RIOK2: variants seen among roughly 807,000 people sequenced by gnomAD.
RIOK2 encodes the protein serine/threonine-protein kinase RIO2.
RIOK2 carries 46 observed loss-of-function variants against 62.4 expected under a neutral mutation model. The observed-to-expected ratio is 0.74, with a 90% CI of 0.58 to 0.94. The LOEUF (loss-of-function observed/expected upper bound fraction) is 0.94, where lower values mean the gene tolerates loss of function less well. RIOK2 is among the 40% of genes least tolerant of loss of function. The pLI is 0.00. For missense variants in RIOK2, 574 were observed against 658.0 expected, an observed-to-expected ratio of 0.87 and a Z score of 1.40; for synonymous variants, 197 against 216.0, an observed-to-expected ratio of 0.91 and a Z score of 0.77.
chr5:97,177,673 GA>G, intron 3 of RIOK2, 58 bp downstream of exon 3: 1 of 1,065,570 alleles, frequency 9.4e-7, no homozygotes, highest in Non-Finnish European at 1.4e-6. Flanking sequence ...AAAGGTTTCT[GA>G]AGGGAAAACA....
At chr5:97,178,735 C>T (rs1049078129) in intron 2 of RIOK2, 37 of 342,192 alleles carry the variant, frequency 1.1e-4, no homozygotes, top group Non-Finnish European at 1.6e-4. Flanking sequence ...GCAGTACCTA[C>T]GTGCTCTTCT....
At chr5:97,175,776 T>C (rs1281576693) in intron 4 of RIOK2, among the ~76,000 whole-genome samples, 3 of 152,198 alleles carry the variant, frequency 2.0e-5, no homozygotes, top group Non-Finnish European at 4.4e-5. Flanking sequence ...TTTTGAAAAA[T>C]GAAGATAAAC....
At position 97,164,374 on chromosome 5, in the gene RIOK2, G is replaced by A. The variant is rs187439674; in HGVS notation, c.1494+677C>T. ...AAATTAGCCAGCCATGGTGGTAGGC[G>A]CCTGTAATCCAAGCTACTCGGGAAG... is the stretch of plus-strand genomic sequence containing the variant. On this transcript the variant is annotated intron_variant, in intron 9 of 9. Transcript: ENST00000283109. Among the ~76,000 whole-genome samples the A allele has an allele frequency of 2.2e-3, 327 of 151,974 alleles. 2 individuals are homozygous for A. The highest frequency in any genetic ancestry group is 7.3e-3 in the African/African-American group (301 of 41,510).
intron 1 of RIOK2, among the ~76,000 whole-genome samples, chr5:97,181,834 GGT>G (rs1354911719): frequency 6.6e-6 from 1 of 152,098 alleles, no homozygotes; most frequent in African/African-American, 2.4e-5. Context: ...AGGAAAGGAA[GGT>G]ATCTTTCCGA....
intron 1 of RIOK2, among the ~76,000 whole-genome samples, chr5:97,180,611 C>T (rs569080567): frequency 4.6e-5 from 7 of 152,140 alleles, no homozygotes; most frequent in East Asian, 1.9e-4. Context: ...GGGAGACACA[C>T]GAACAGGGTT....
In RIOK2 at chr5:97,162,991, A is replaced by C; in HGVS notation, c.*70T>G. On this transcript the variant is annotated 3_prime_UTR_variant, in exon 10 of 10. Transcript: ENST00000283109. ...TGATAGCCTTGGCTCAAAAAAGACA[A>C]ATGAGGGCTCAAAAAGGAATTACAG... 1 of 1,324,076 alleles carries C rather than the reference A, an allele frequency of 7.6e-7. No homozygotes were observed. Among genetic ancestry groups the C allele is most frequent in the Non-Finnish European group, 1.0e-6 (1 of 970,426 alleles). The allele number at this position is 1,324,076 out of a possible 1,614,324, so 82.0% of individuals were successfully genotyped here. A position where few individuals can be genotyped will look rare whatever the true frequency, so the allele number is the denominator to read the frequency against.
intron 1 of RIOK2, among the ~76,000 whole-genome samples, chr5:97,179,512 A>C (rs1431113795): frequency 6.6e-6 from 1 of 152,132 alleles, no homozygotes; most frequent in Non-Finnish European, 1.5e-5. Context: ...ATATTTATTA[A>C]GCAGGTATTT....
chr5:97,172,738 CTT>C (rs920308172), intron 5 of RIOK2, among the ~76,000 whole-genome samples: 5 of 152,186 alleles, frequency 3.3e-5, no homozygotes, highest in African/African-American at 1.2e-4. Context: ...ATTAGTGAGA[CTT>C]TTCTTGACCA....
chr5:97,167,191 T>C (rs1045250985), intron 8 of RIOK2: 72 of 1,291,074 alleles, frequency 5.6e-5, no homozygotes, highest in Non-Finnish European at 6.9e-5. Flanking sequence ...GTGCTGAGAT[T>C]ACAGGCATGA....
rs771687247 is a variant in RIOK2 at position 97,167,476 on chromosome 5, C to T, written c.1388G>A (p.Arg463Lys). 1 of 1,613,968 alleles carries T rather than the reference C, an allele frequency of 6.2e-7. No individual in the cohort carries two copies. Residue 463 changes from arginine to lysine, a missense_variant, in exon 8 of 10, where the codon AGG (arginine) becomes AAG (lysine). Arg to Lys is a conservative substitution (Grantham distance 26). Transcript: ENST00000283109. ...CGACAGAAGTCTATACCTGAAAGGC[C>T]TGAATTCTCTATTTAATGACGACAA... ...IALSSLNREF[R>K]PFRDEENVGA... is the part of the protein sequence containing the mutation.
At chr5:97,171,870 T>C (rs1749019209) in intron 5 of RIOK2, among the ~76,000 whole-genome samples, 1 of 152,174 alleles carries the variant, frequency 6.6e-6, no homozygotes, top group East Asian at 1.9e-4. Flanking sequence ...CCTAGCACTT[T>C]GGGAGGCCAA....
chr5:97,167,600 T>C lies in RIOK2; in HGVS notation c.1264A>G (p.Arg422Gly), dbSNP rs1219716578. The C allele has an allele frequency of 6.2e-7, 1 of 1,614,242 alleles. No individual in the cohort carries two copies. Among genetic ancestry groups the C allele is most frequent in the South Asian group, 1.1e-5 (1 of 91,086 alleles). Residue 422 changes from arginine to glycine, a missense_variant, in exon 8 of 10, where the codon AGA (arginine) becomes GGA (glycine). Coordinates refer to ENST00000283109, the MANE Select transcript of RIOK2 (RefSeq NM_018343.3). ...TCTTGCCTGTTGTAATTTTCAGTTC[T>C]GTTTTTCTCCTCAGAAAATTCAGTT... ...SVTEFSEEKN[R>G]TENYNRQDGQ... is the part of the protein sequence containing the mutation.
At chr5:97,173,100 A>C in intron 5 of RIOK2, 75 bp downstream of exon 5, 1 of 1,100,464 alleles carries the variant, frequency 9.1e-7, no homozygotes, top group Non-Finnish European at 1.3e-6. Context: ...ATTAACTAAA[A>C]AAAATTTTAT....
intron 2 of RIOK2, 144 bp downstream of exon 2, chr5:97,178,911 T>C (rs560523925): frequency 2.0e-4 from 173 of 884,744 alleles, no homozygotes; most frequent in Non-Finnish European, 3.0e-4. Context: ...TTTTGACTAA[T>C]AGGATATGGC....
intron 4 of RIOK2, among the ~76,000 whole-genome samples, chr5:97,176,637 A>AT (rs1749170039): frequency 6.6e-6 from 1 of 152,150 alleles, no homozygotes. Flanking sequence ...CACCCAGCCA[A>AT]TTTTTACCAT....
At chr5:97,166,701 A>G (rs1449583327) in intron 8 of RIOK2, 6 of 875,202 alleles carry the variant, frequency 6.9e-6, no homozygotes, top group African/African-American at 1.8e-5. Context: ...ACACATGAAC[A>G]AAGGATAGAA....
chr5:97,173,980 C>T (rs1182391469), intron 4 of RIOK2, among the ~76,000 whole-genome samples: 1 of 152,216 alleles, frequency 6.6e-6, no homozygotes, highest in Non-Finnish European at 1.5e-5. Flanking sequence ...ATGGCAAAAA[C>T]TGCAATTACT....
intron 1 of RIOK2, among the ~76,000 whole-genome samples, chr5:97,182,622 T>G (rs1240741381): frequency 6.6e-6 from 1 of 152,246 alleles, no homozygotes; most frequent in Non-Finnish European, 1.5e-5. Flanking sequence ...TTTCGTTTAC[T>G]TGATGATCTG....
At chr5:97,181,799 T>C (rs1274470200) in intron 1 of RIOK2, among the ~76,000 whole-genome samples, 4 of 152,162 alleles carry the variant, frequency 2.6e-5, no homozygotes, top group Non-Finnish European at 5.9e-5. Context: ...TCAGAGACAC[T>C]AAGGAATGAG....
Sources: allele counts gnomAD v4.1 joint callset (sites outside exome capture counted in the v4.1 genomes callset), GRCh38; gene constraint gnomAD v4.1.1; transcripts MANE v1.5; gene names NCBI Gene and HGNC (gene_info 2026-07-23, HGNC 2026-07-21).